ZFP1: variants seen among roughly 807,000 people sequenced by gnomAD.
The protein encoded by ZFP1 is zinc finger protein 1 homolog.
In ZFP1, 32 loss-of-function variants were observed where a neutral mutation model predicts 38.5. The ratio of observed to expected loss-of-function variants is 0.83; its 90% CI spans 0.63 to 1.12. ZFP1 has a LOEUF of 1.12. Ranked by LOEUF, ZFP1 falls within the 50% of genes most tolerant of loss-of-function variation. The pLI is 0.00. For synonymous variants in ZFP1, 245 were observed against 168.8 expected, an observed-to-expected ratio of 1.45 and a Z score of -3.50; for missense variants, 616 against 480.8, an observed-to-expected ratio of 1.28 and a Z score of -2.63.
At chr16:75,153,008 T>C (rs1219122216) in intron 2 of ZFP1, 42 bp downstream of exon 2, 2 of 1,610,056 alleles carry the variant, frequency 1.2e-6, no homozygotes, top group Non-Finnish European at 1.7e-6. Flanking sequence ...TTCAGTGCAT[T>C]TAAGGAAGTT....
At chr16:75,159,254 CTTCCT>C (rs2037625145) in intron 2 of ZFP1, among the ~76,000 whole-genome samples, 2 of 149,482 alleles carry the variant, frequency 1.3e-5, no homozygotes, top group Admixed American at 6.8e-5. Context: ...CTTCCCTTCC[CTTCCT>C]TTCCCTTCCT....
rs931929568 is a variant in ZFP1, at chr16:75,171,285, A to G, written c.*951A>G. 6.6e-5 allele frequency: 10 copies of G among 152,208 alleles called. No homozygotes were observed. The highest frequency in any genetic ancestry group is 5.9e-4 in the Admixed American group (9 of 15,278). The allele number at this position is 152,208 out of a possible 1,614,324, so 9.4% of individuals were successfully genotyped here. On this transcript the variant is annotated 3_prime_UTR_variant, in exon 4 of 4. Transcript: ENST00000570010. The stretch of plus-strand genomic sequence containing the variant: ...AGCAAAAATGGTAGGATGCTTCTGT[A>G]GTTCACAAATGTTACATTTCAGAGA...
chr16:75,157,978 G>A (rs1476466747), intron 2 of ZFP1, among the ~76,000 whole-genome samples: 1 of 151,646 alleles, frequency 6.6e-6, no homozygotes, highest in African/African-American at 2.4e-5. Context: ...GGTAGAGATG[G>A]GATCTCGCCA....
At chr16:75,166,109 A>G (rs1222459071) in intron 2 of ZFP1, among the ~76,000 whole-genome samples, 1 of 152,186 alleles carries the variant, frequency 6.6e-6, no homozygotes, top group Non-Finnish European at 1.5e-5. Context: ...TTCTGCCTTA[A>G]AGAGTTAAAA....
chr16:75,123,753 C>G, the ZFP1 span, among the ~76,000 whole-genome samples: 1 of 149,388 alleles, frequency 6.7e-6, no homozygotes, highest in African/African-American at 2.4e-5. Context: ...GCTGGGATTA[C>G]AGGTGTGAGC....
At chr16:75,128,754 C>G in the ZFP1 span, among the ~76,000 whole-genome samples, 110 of 152,248 alleles carry the variant, frequency 7.2e-4, no homozygotes, top group African/African-American at 2.4e-3. Context: ...TAACAGCAAC[C>G]TATTTATATT....
intron 3 of ZFP1, 59 bp from the exon 4 acceptor site, chr16:75,169,194 C>A: frequency 6.6e-7 from 1 of 1,519,764 alleles, no homozygotes; most frequent in South Asian, 1.4e-5. Context: ...ACTTCCCATT[C>A]GGTAACATTA....
chr16:75,132,914 C>G, the ZFP1 span, among the ~76,000 whole-genome samples: 5 of 151,668 alleles, frequency 3.3e-5, no homozygotes, highest in South Asian at 1.0e-3. Context: ...TCCACCTCAA[C>G]CTCCCAAAGT....
chr16:75,139,077 T>C, the ZFP1 span, among the ~76,000 whole-genome samples: 1 of 151,830 alleles, frequency 6.6e-6, no homozygotes, highest in African/African-American at 2.4e-5. Flanking sequence ...CCCTCAAAAC[T>C]GTCAGAGCTG....
chr16:75,162,292 G>GTAT (rs1281725066), intron 2 of ZFP1, among the ~76,000 whole-genome samples: 1 of 150,666 alleles, frequency 6.6e-6, no homozygotes, highest in Non-Finnish European at 1.5e-5. Context: ...TGGGCTTTTT[G>GTAT]TATTTTTTTT....
upstream of ZFP1, among the ~76,000 whole-genome samples, chr16:75,143,647 C>CTTTTT (rs386385080): frequency 3.5e-3 from 331 of 93,734 alleles, 7 homozygotes; most frequent in East Asian, 0.016. Context: ...GGAGGTGAAT[C>CTTTTT]TTTTTTTTTT....
At chr16:75,155,064 G>T (rs1204080869) in intron 2 of ZFP1, among the ~76,000 whole-genome samples, 1 of 152,176 alleles carries the variant, frequency 6.6e-6, no homozygotes, top group African/African-American at 2.4e-5. Context: ...CTCCCAAAAT[G>T]CTGATTACAA....
At chr16:75,163,383 C>G (rs935045114) in intron 2 of ZFP1, among the ~76,000 whole-genome samples, 2 of 151,848 alleles carry the variant, frequency 1.3e-5, no homozygotes, top group African/African-American at 4.8e-5. Flanking sequence ...CATGATCTCG[C>G]TCACTGCAAC....
the ZFP1 span, among the ~76,000 whole-genome samples, chr16:75,134,455 T>C: frequency 6.6e-6 from 1 of 151,878 alleles, no homozygotes; most frequent in African/African-American, 2.4e-5. Context: ...AAAAACATTT[T>C]TAAAAATTAG....
At chr16:75,159,641 A>G (rs1249131978) in intron 2 of ZFP1, among the ~76,000 whole-genome samples, 1 of 151,582 alleles carries the variant, frequency 6.6e-6, no homozygotes, top group African/African-American at 2.4e-5. Flanking sequence ...CTTGGGCTCA[A>G]TTTGTCCACC....
the ZFP1 span, among the ~76,000 whole-genome samples, chr16:75,132,172 G>A: frequency 1.3e-5 from 2 of 152,136 alleles, no homozygotes; most frequent in Non-Finnish European, 2.9e-5. Flanking sequence ...GAGATCACTT[G>A]AGGTCAGAAG....
At chr16:75,138,323 C>T in the ZFP1 span, among the ~76,000 whole-genome samples, 1 of 152,178 alleles carries the variant, frequency 6.6e-6, no homozygotes, top group East Asian at 1.9e-4. Flanking sequence ...GCGTGAGCCA[C>T]CGCGCACAGC....
intron 2 of ZFP1, among the ~76,000 whole-genome samples, chr16:75,156,807 C>G (rs1255202790): frequency 6.6e-6 from 1 of 152,236 alleles, no homozygotes; most frequent in African/African-American, 2.4e-5. Context: ...CTGTTCTCAT[C>G]TGATCCAAGG....
At chr16:75,123,411 A>C in the ZFP1 span, among the ~76,000 whole-genome samples, 1 of 137,230 alleles carries the variant, frequency 7.3e-6, no homozygotes, top group African/African-American at 2.8e-5. Context: ...ATGTTTTCCT[A>C]CAAATATATA....
Sources: gnomAD v4.1 joint callset for allele counts (sites outside exome capture counted in the v4.1 genomes callset) on GRCh38, gnomAD v4.1.1 for gene constraint, MANE v1.5 for transcripts, NCBI Gene and HGNC (gene_info 2026-07-23, HGNC 2026-07-21) for gene names.